The following CNGA4 variants were observed in gnomAD, a reference collection of about 807,000 sequenced individuals.
The protein encoded by CNGA4 is cyclic nucleotide gated channel subunit alpha 4, also known as cyclic nucleotide-gated channel alpha-4.
CNGA4 carries 32 observed loss-of-function variants against 45.6 expected under a neutral mutation model. The observed-to-expected ratio is 0.70, with a 90% CI of 0.53 to 0.94. The LOEUF (loss-of-function observed/expected upper bound fraction) is 0.94, where lower values mean the gene tolerates loss of function less well. Ranked by LOEUF, CNGA4 falls within the 40% of genes least tolerant of loss-of-function variation. CNGA4 has a pLI of 0.00. For missense variants in CNGA4, 726 were observed against 755.1 expected (o/e 0.96, Z 0.45); for synonymous variants, 293 against 304.6 (o/e 0.96, Z 0.40).
chr11:6,241,365 TGAAG>T (rs1337593686), intron 4 of CNGA4, 62 bp from the exon 5 acceptor site: 2 of 1,325,914 alleles, frequency 1.5e-6, no homozygotes, highest in African/African-American at 2.9e-5. Context: ...AGCTGAGCCC[TGAAG>T]GAAGGGATGG....
rs1564879980 is a variant in CNGA4 at position 6,244,392 on chromosome 11, C to T, written c.1711C>T (p.Pro571Ser). The T allele has an allele frequency of 6.2e-7, 1 of 1,611,244 alleles. No individual in the cohort carries two copies. The highest frequency in any genetic ancestry group is 8.5e-7 in the Non-Finnish European group (1 of 1,178,754). ...DEEGRASQEGPPGPE is the reference protein window; with the variant it reads ...DEEGRASQEGSPGPE ...AGAGGGCAGGGCCAGCCAGGAGGGA[C>T]CCCCAGGTCCAGAGTGACCCCATCC... The change falls in exon 6 of 6, where the codon CCC (proline) becomes TCC (serine). Residue 571 changes from proline (P) to serine (S), a missense_variant. Pro to Ser is a moderately conservative substitution (Grantham distance 74). Coordinates refer to ENST00000379936, the MANE Select transcript of CNGA4 (RefSeq NM_001037329.4). This position sits in a 1 kb window ranked among gnomAD's most constrained non-coding sequence, Gnocchi z 4.5.
At position 6,239,568 on chromosome 11, in the gene CNGA4, G is replaced by A; in HGVS notation, c.164+83G>A. ...CAAGGAGAAGGGCAGACCCTTGGTG[G>A]GGCAGGAGGAGCAATTCCCATGGGA... is the stretch of plus-strand genomic sequence containing the variant. On this transcript the variant is annotated intron_variant, in intron 2 of 5. Transcript: ENST00000379936. 3 of 1,561,720 alleles carry A rather than the reference G, an allele frequency of 1.9e-6. No homozygotes were observed. In the South Asian group the frequency reaches 3.3e-5, roughly 17 times the overall value.
chr11:6,239,102 C>A lies in CNGA4; in HGVS notation c.-105C>A. 6.3e-7 allele frequency: 1 copy of A among 1,593,520 alleles called. No individual in the cohort carries two copies. Among genetic ancestry groups the A allele is most frequent in the Non-Finnish European group, 8.5e-7 (1 of 1,170,996 alleles). Reference sequence around the variant, plus strand: ...CAAAGAAGTCACAGCAGAAGCCCAACAGCAGCCTCCTTCAGGCAGTCAGGC... The same window carrying A: ...CAAAGAAGTCACAGCAGAAGCCCAAAAGCAGCCTCCTTCAGGCAGTCAGGC... On this transcript the variant is annotated 5_prime_UTR_variant, in exon 1 of 6. Transcript: ENST00000379936.
Position 6,239,555 on chromosome 11 carries a change from C to T in CNGA4, c.164+70C>T, listed in dbSNP as rs139738511. The T allele has an allele frequency of 1.2e-3, 1,876 of 1,574,374 alleles. 7 individuals are homozygous for T. Among genetic ancestry groups the T allele is most frequent in the South Asian group, 2.3e-3 (204 of 90,160 alleles). On this transcript the variant is annotated intron_variant, in intron 2 of 5. Coordinates refer to ENST00000379936, the MANE Select transcript of CNGA4 (RefSeq NM_001037329.4). ...ACTAAAGAGAGGTCAAGGAGAAGGG[C>T]AGACCCTTGGTGGGGCAGGAGGAGC... is the stretch of plus-strand genomic sequence containing the variant.
In CNGA4 at chr11:6,243,953, C is replaced by T; in HGVS notation, c.1272C>T (p.Asn424=). 6.2e-7 allele frequency: 1 copy of T among 1,612,466 alleles called. No homozygotes were observed. The highest frequency in any genetic ancestry group is 8.5e-7 in the Non-Finnish European group (1 of 1,179,158). Residue 424 remains asparagine (N), a synonymous_variant, in exon 6 of 6, where the codon AAC becomes AAT. Coordinates refer to ENST00000379936, the MANE Select transcript of CNGA4 (RefSeq NM_001037329.4). ...GEISIINIKG[N]MSGNRRTANI... ...ATCTCTGCCCATGAGCCACAGGGAA[C>T]ATGTCTGGGAACCGCCGCACAGCCA...
In CNGA4 at chr11:6,240,358, T is replaced by G. The variant is rs781247218; in HGVS notation, c.564T>G (p.Phe188Leu). 3.7e-6 allele frequency: 6 copies of G among 1,614,234 alleles called. No homozygotes were observed. The South Asian group carries it at 6.6e-5, about 18-fold the overall frequency. Residue 188 changes from phenylalanine to leucine, a missense_variant, in exon 4 of 6, where the codon TTT (phenylalanine) becomes TTG (leucine). By Grantham distance (22) the Phe-to-Leu change is conservative. Transcript: ENST00000379936. The surrounding 1 kb of genome is among the most constrained non-coding windows in gnomAD (Gnocchi z 4.9). ...TCCATTGGAACAGCTGCCTATACTT[T>G]GCCCTATCCCGGTACCTGGGCTTCG... ...VVIHWNSCLY[F>L]ALSRYLGFGR... is the part of the protein sequence containing the mutation.
At chr11:6,243,804 G>A (rs1189016604) in intron 5 of CNGA4, 145 bp from the exon 6 acceptor site, 5 of 724,084 alleles carry the variant, frequency 6.9e-6, no homozygotes, top group Admixed American at 2.9e-5. Flanking sequence ...CTGGTCCCCA[G>A]TATGTTACTA....
chr11:6,240,437 C>A lies in CNGA4; in HGVS notation c.643C>A (p.Arg215=). The part of the protein sequence containing the change: ...DPAQPGFERL[R]RQYLYSFYFS... ...CGCGCAGCCTGGCTTTGAGCGCCTG[C>A]GGCGCCAGTACCTCTATAGCTTTTA... The change falls in exon 4 of 6, where the codon CGG becomes AGG. Residue 215 remains arginine, a synonymous_variant. Coordinates refer to ENST00000379936, the MANE Select transcript of CNGA4 (RefSeq NM_001037329.4). The surrounding 1 kb of genome is among the most constrained non-coding windows in gnomAD (Gnocchi z 4.9). The A allele has an allele frequency of 6.2e-7, 1 of 1,614,236 alleles. No individual in the cohort carries two copies. The highest frequency in any genetic ancestry group is 8.5e-7 in the Non-Finnish European group (1 of 1,180,050).
chr11:6,239,862 A>G, intron 3 of CNGA4, 72 bp downstream of exon 3: 1 of 1,478,512 alleles, frequency 6.8e-7, no homozygotes. Context: ...AGAAGTAACA[A>G]GAAAGGCACC....
rs147096501 is a variant in CNGA4, at chr11:6,241,707, T to G, written c.1194T>G (p.Asp398Glu). 2.5e-5 allele frequency: 41 copies of G among 1,614,048 alleles called. No homozygotes were observed. The African/African-American group carries it at 3.6e-4, about 14-fold the overall frequency. Residue 398 changes from aspartate (D) to glutamate (E), a missense_variant, in exon 5 of 6, where the codon GAT (aspartate) becomes GAG (glutamate). By Grantham distance (45) the Asp-to-Glu change is conservative. Transcript: ENST00000379936. ...AGGGTCAACTGGCCGTGGTGGCAGA[T>G]GATGGTATCACACAGTATGCTGTGC... ...IREGQLAVVA[D>E]DGITQYAVLG... is the part of the protein sequence containing the mutation.
At chr11:6,242,506 C>T (rs868825972) in intron 5 of CNGA4, among the ~76,000 whole-genome samples, 2 of 151,986 alleles carry the variant, frequency 1.3e-5, no homozygotes, top group African/African-American at 2.4e-5. Flanking sequence ...TGTCATGGAC[C>T]GAGAAGCTGG....
At chr11:6,235,266 A>G (rs1847814891), upstream of CNGA4, among the ~76,000 whole-genome samples, 1 of 152,284 alleles carries the variant, frequency 6.6e-6, no homozygotes, top group Non-Finnish European at 1.5e-5. Context: ...TCTCTACTTT[A>G]GTACCCCAGC....
chr11:6,242,400 T>A (rs1456765374), intron 5 of CNGA4, among the ~76,000 whole-genome samples: 3 of 152,098 alleles, frequency 2.0e-5, no homozygotes, highest in African/African-American at 7.2e-5. Flanking sequence ...CTTTTTCCTC[T>A]CATCAGCCCT....
rs1164701511 is a variant in CNGA4, at chr11:6,240,976, T to G, written c.917+265T>G. On this transcript the variant is annotated intron_variant, in intron 4 of 5. Coordinates refer to ENST00000379936, the MANE Select transcript of CNGA4 (RefSeq NM_001037329.4). The surrounding 1 kb of genome is among the most constrained non-coding windows in gnomAD (Gnocchi z 4.9). ...AATATGGAGACCAGGGAATGGGAAG[T>G]GCCACTGCCTGGTAGGGCTCAGAAG... 1.3e-5 allele frequency among the ~76,000 whole-genome samples: 2 copies of G among 152,022 alleles called. No individual in the cohort carries two copies. The highest frequency in any genetic ancestry group is 2.9e-5 in the Non-Finnish European group (2 of 67,984).
chr11:6,239,090 G>T lies in CNGA4; in HGVS notation c.-117G>T, dbSNP rs2133873099. The T allele has an allele frequency of 2.5e-6, 4 of 1,577,018 alleles. No homozygotes were observed. Among genetic ancestry groups the T allele is most frequent in the Non-Finnish European group, 3.4e-6 (4 of 1,163,960 alleles). Reference sequence around the variant, plus strand: ...GAGCCCCAAAGACAAAGAAGTCACAGCAGAAGCCCAACAGCAGCCTCCTTC... The same window carrying T: ...GAGCCCCAAAGACAAAGAAGTCACATCAGAAGCCCAACAGCAGCCTCCTTC... On this transcript the variant is annotated 5_prime_UTR_variant, in exon 1 of 6. Transcript: ENST00000379936.
rs1014766583 is a variant in CNGA4, at chr11:6,244,360, A to G, written c.1679A>G (p.Lys560Arg). The G allele has an allele frequency of 6.2e-7, 1 of 1,613,852 alleles. No homozygotes were observed. The highest frequency in any genetic ancestry group is 1.7e-5 in the Admixed American group (1 of 59,982). Residue 560 changes from lysine (K) to arginine (R), a missense_variant, in exon 6 of 6, where the codon AAA becomes AGA. Physicochemically the swap from Lys to Arg is conservative, Grantham distance 26. Coordinates refer to ENST00000379936, the MANE Select transcript of CNGA4 (RefSeq NM_001037329.4). The surrounding 1 kb of genome is among the most constrained non-coding windows in gnomAD (Gnocchi z 4.5). ...GGTGAGCCTGAGGAGGGAACTTCCA[A>G]AGATGAAGAGGGCAGGGCCAGCCAG... ...DEGEPEEGTS[K>R]DEEGRASQEG...
upstream of CNGA4, among the ~76,000 whole-genome samples, chr11:6,238,213 A>G (rs1051450089): frequency 1.3e-5 from 2 of 152,218 alleles, no homozygotes; most frequent in African/African-American, 4.8e-5. Context: ...TAGTTACCTC[A>G]TGTGTAATTA....
At chr11:6,239,954 GC>G in intron 3 of CNGA4, 111 bp from the exon 4 acceptor site, 2 of 1,434,772 alleles carry the variant, frequency 1.4e-6, no homozygotes, top group Non-Finnish European at 1.9e-6. Flanking sequence ...GCAGAGTTAT[GC>G]CTGGCTCCAC....
chr11:6,243,878 G>C lies in CNGA4; in HGVS notation c.1268-71G>C, dbSNP rs1234850296. On this transcript the variant is annotated intron_variant, in intron 5 of 5. Coordinates refer to ENST00000379936, the MANE Select transcript of CNGA4 (RefSeq NM_001037329.4). ...GCACAAATATGGAGGTGAAGGTCCT[G>C]GTTCAGGAGTGAAATGCCACCTCCT... 2.9e-6 allele frequency: 4 copies of C among 1,394,310 alleles called. No individual in the cohort carries two copies. In the African/African-American group the frequency reaches 5.7e-5, roughly 20 times the overall value. The allele number at this position is 1,394,310 out of a possible 1,614,324, so 86.4% of individuals were successfully genotyped here.
Sources: gnomAD v4.1 joint callset for allele counts (sites outside exome capture counted in the v4.1 genomes callset) on GRCh38, gnomAD v4.1.1 for gene constraint, Gnocchi (gnomAD v3.1) non-coding constraint, MANE v1.5 for transcripts, NCBI Gene and HGNC (gene_info 2026-07-23, HGNC 2026-07-21) for gene names.